KCNQ1: variants seen among roughly 807,000 people sequenced by gnomAD.
The protein encoded by KCNQ1 is potassium voltage-gated channel subfamily KQT member 1.
A neutral mutation model predicts 72.4 loss-of-function variants in KCNQ1; 49 were observed. That is an observed-to-expected ratio of 0.68 (90% CI 0.54 to 0.86). The LOEUF is 0.86. KCNQ1 is among the 40% of genes least tolerant of loss of function. KCNQ1 has a pLI of 0.00. For synonymous variants in KCNQ1, 450 were observed against 412.6 expected (o/e 1.09, Z -1.10); for missense variants, 790 against 945.1 (o/e 0.84, Z 2.15).
rs1476403227 is a variant in KCNQ1 at position 2,620,947 on chromosome 11, TG to T, written c.1393+32094del. 3 of 301,932 alleles carry T rather than the reference TG, an allele frequency of 9.9e-6. No homozygotes were observed. Among genetic ancestry groups the T allele is most frequent in the African/African-American group, 8.6e-5 (2 of 23,386 alleles). The allele number at this position is 301,932 out of a possible 1,614,324, so 18.7% of individuals were successfully genotyped here. ...TTTTTTTGTTGTTGTTGTTTTGTTT[TG>T]TTTTTTTTTGTCTGTTTTTTGCTTT... On this transcript the variant is annotated intron_variant, in intron 10 of 15. Coordinates refer to ENST00000155840, the MANE Select transcript of KCNQ1 (RefSeq NM_000218.3). The surrounding 1 kb of genome is among the most constrained non-coding windows in gnomAD (Gnocchi z 4.5).
chr11:2,536,766 G>T lies in KCNQ1; in HGVS notation c.477+8748G>T, dbSNP rs1193861443. On this transcript the variant is annotated intron_variant, in intron 2 of 15. Coordinates refer to ENST00000155840, the MANE Select transcript of KCNQ1 (RefSeq NM_000218.3). This position sits in a 1 kb window ranked among gnomAD's most constrained non-coding sequence, Gnocchi z 7.4. The stretch of plus-strand genomic sequence containing the variant: ...AGTCGACCTGGGCTGCGTGATGGGG[G>T]ACCCCAGGCTGGGCGGCTTAAACCG... Among the ~76,000 whole-genome samples the T allele has an allele frequency of 2.7e-5, 4 of 150,922 alleles. No homozygotes were observed. Among genetic ancestry groups the T allele is most frequent in the Non-Finnish European group, 5.9e-5 (4 of 68,006 alleles).
chr11:2,553,671 TTTTA>T (rs1311796431), intron 2 of KCNQ1, among the ~76,000 whole-genome samples: 10 of 151,772 alleles, frequency 6.6e-5, no homozygotes, highest in African/African-American at 2.2e-4. Context: ...TTTTATTTTA[TTTTA>T]TTTATTTATT....
At chr11:2,628,625 G>C (rs1849298891) in intron 10 of KCNQ1, 1 of 398,226 alleles carries the variant, frequency 2.5e-6, no homozygotes, top group Non-Finnish European at 4.4e-6. Flanking sequence ...TTGTTGTGCA[G>C]ACACTTTTTT....
rs545932476 is a variant in KCNQ1 at position 2,564,437 on chromosome 11, T to G, written c.478-6191T>G. On this transcript the variant is annotated intron_variant, in intron 2 of 15. Coordinates refer to ENST00000155840, the MANE Select transcript of KCNQ1 (RefSeq NM_000218.3). The surrounding 1 kb of genome is among the most constrained non-coding windows in gnomAD (Gnocchi z 4.5). ...GGTGAAACCTTGTCTCTACTAATAA[T>G]ACAAAAAGATTAGCCGGGTGTGGTG... Among the ~76,000 whole-genome samples the G allele has an allele frequency of 3.3e-4, 50 of 152,130 alleles. No individual in the cohort carries two copies. The highest frequency in any genetic ancestry group is 1.2e-3 in the African/African-American group (48 of 41,500).
intron 6 of KCNQ1, among the ~76,000 whole-genome samples, chr11:2,582,877 T>C (rs1848523139): frequency 6.6e-6 from 1 of 152,094 alleles, no homozygotes; most frequent in Non-Finnish European, 1.5e-5. Flanking sequence ...AGCCTTCTAT[T>C]GTCCCACCAC....
rs1177238655 is a variant in KCNQ1, at chr11:2,830,375, G to GAT, written c.1795-17389_1795-17388dup. ...GGCATCCCAGAGCTATGACCTGAAT[G>GAT]ATATCTTAGATGATCTCCAAGGCCC... is the stretch of plus-strand genomic sequence containing the variant. On this transcript the variant is annotated intron_variant, in intron 15 of 15. Coordinates refer to ENST00000155840, the MANE Select transcript of KCNQ1 (RefSeq NM_000218.3). The surrounding 1 kb of genome is among the most constrained non-coding windows in gnomAD (Gnocchi z 7.7). Among the ~76,000 whole-genome samples, 1 of 152,100 alleles carries GAT rather than the reference G, an allele frequency of 6.6e-6. No individual in the cohort carries two copies. The highest frequency in any genetic ancestry group is 1.5e-5 in the Non-Finnish European group (1 of 67,996).
intron 1 of KCNQ1, among the ~76,000 whole-genome samples, chr11:2,505,663 G>A (rs1847092210): frequency 6.6e-6 from 1 of 152,202 alleles, no homozygotes; most frequent in Non-Finnish European, 1.5e-5. Context: ...AGGCATAAAT[G>A]TTTATAATGG....
At chr11:2,456,796 G>A (rs59324776) in intron 1 of KCNQ1, among the ~76,000 whole-genome samples, 23,341 of 139,256 alleles carry the variant, frequency 0.17, 2,952 homozygotes, top group East Asian at 0.32. Context: ...AAAATTAGCC[G>A]GGCGTGGGGG....
At chr11:2,646,620 G>A (rs1422236033) in intron 10 of KCNQ1, 2 of 398,636 alleles carry the variant, frequency 5.0e-6, no homozygotes, top group Non-Finnish European at 8.8e-6. Flanking sequence ...TCACCTCCGA[G>A]GTTCAAGTGA....
intron 11 of KCNQ1, chr11:2,692,211 C>G (rs976488050): frequency 5.0e-6 from 2 of 398,736 alleles, no homozygotes; most frequent in Non-Finnish European, 8.8e-6. Context: ...CCGATACACC[C>G]GCTTCCTCAC....
chr11:2,583,352 A>T, intron 6 of KCNQ1, 83 bp from the exon 7 acceptor site: 1 of 932,008 alleles, frequency 1.1e-6, no homozygotes, highest in Non-Finnish European at 1.8e-6. Context: ...TCCGCTCATC[A>T]GAGTGGTGGG....
chr11:2,581,799 C>T (rs936125784), intron 6 of KCNQ1, among the ~76,000 whole-genome samples: 1 of 152,244 alleles, frequency 6.6e-6, no homozygotes, highest in Non-Finnish European at 1.5e-5. Context: ...AGTGTGCACC[C>T]ACATACACAG....
At position 2,491,864 on chromosome 11, in the gene KCNQ1, G is replaced by A. The variant is rs1846840576; in HGVS notation, c.387-36064G>A. On this transcript the variant is annotated intron_variant, in intron 1 of 15. Coordinates refer to ENST00000155840, the MANE Select transcript of KCNQ1 (RefSeq NM_000218.3). The surrounding 1 kb of genome is among the most constrained non-coding windows in gnomAD (Gnocchi z 4.1). ...CTTATAATTGAACTCCATTATATCT[G>A]GCAGCAGAGTTTTCAATGGAAACTT... Among the ~76,000 whole-genome samples the A allele has an allele frequency of 6.6e-6, 1 of 152,170 alleles. No homozygotes were observed. The highest frequency in any genetic ancestry group is 6.5e-5 in the Admixed American group (1 of 15,282).
In KCNQ1 at chr11:2,637,103, C is replaced by T. The variant is rs1348795442; in HGVS notation, c.1394-24858C>T. 5.9e-5 allele frequency: 9 copies of T among 152,206 alleles called. No individual in the cohort carries two copies. In the East Asian group the frequency reaches 1.5e-3, roughly 26 times the overall value. 9.4% of individuals were successfully genotyped at this position (152,206 alleles called of 1,614,324 possible). On this transcript the variant is annotated intron_variant, in intron 10 of 15. Coordinates refer to ENST00000155840, the MANE Select transcript of KCNQ1 (RefSeq NM_000218.3). ...TTTATTAGTCTTGCTAGAGGCCTATCAATTTTGTTGATCTTTTCAAAAAAA... is the reference window on the plus strand; with the variant it reads ...TTTATTAGTCTTGCTAGAGGCCTATTAATTTTGTTGATCTTTTCAAAAAAA...
chr11:2,592,530 AGC>A lies in KCNQ1; in HGVS notation c.1393+3677_1393+3678del, dbSNP rs1465253182. On this transcript the variant is annotated intron_variant, in intron 10 of 15. Coordinates refer to ENST00000155840, the MANE Select transcript of KCNQ1 (RefSeq NM_000218.3). The surrounding 1 kb of genome is among the most constrained non-coding windows in gnomAD (Gnocchi z 5.2). ...GGTGGGGAGGGAGGGGAATGTCAGC[AGC>A]CACCCAGCCCGAGAGCCAGAGCACA... Among the ~76,000 whole-genome samples the A allele has an allele frequency of 6.6e-6, 1 of 152,198 alleles. No homozygotes were observed. Among genetic ancestry groups the A allele is most frequent in the Non-Finnish European group, 1.5e-5 (1 of 68,016 alleles).
intron 2 of KCNQ1, among the ~76,000 whole-genome samples, chr11:2,534,925 T>C (rs923826374): frequency 9.9e-5 from 15 of 152,232 alleles, no homozygotes; most frequent in Non-Finnish European, 1.9e-4. Flanking sequence ...CCTGGGATCC[T>C]CACTGCAGGG....
chr11:2,542,780 T>G (rs543490460), intron 2 of KCNQ1, among the ~76,000 whole-genome samples: 105 of 152,370 alleles, frequency 6.9e-4, no homozygotes, highest in African/African-American at 2.3e-3. Context: ...ATTCATTCCT[T>G]TTTCATTGCT....
Position 2,723,763 on chromosome 11 carries a change from A to ATT in KCNQ1, c.1515-45081_1515-45080insTT, listed in dbSNP as rs1845710204. ...CTCTACTAGCTAGTGGGGCCTCACT[A>ATT]ACCGCTGGTGGCCGCAGGGTTCCCA... is the stretch of plus-strand genomic sequence containing the variant. On this transcript the variant is annotated intron_variant, in intron 11 of 15. Coordinates refer to ENST00000155840, the MANE Select transcript of KCNQ1 (RefSeq NM_000218.3). This position sits in a 1 kb window ranked among gnomAD's most constrained non-coding sequence, Gnocchi z 4.2. Among the ~76,000 whole-genome samples, 1 of 152,096 alleles carries ATT rather than the reference A, an allele frequency of 6.6e-6. No homozygotes were observed. The highest frequency in any genetic ancestry group is 6.5e-5 in the Admixed American group (1 of 15,270).
chr11:2,445,532 G>T, intron 1 of KCNQ1, 48 bp downstream of exon 1: 2 of 1,571,008 alleles, frequency 1.3e-6, no homozygotes, highest in Non-Finnish European at 1.7e-6. Context: ...CTTCCTGAGA[G>T]CTGGTGTGGG....
Sources: gnomAD v4.1 joint callset for allele counts (sites outside exome capture counted in the v4.1 genomes callset) on GRCh38, gnomAD v4.1.1 for gene constraint, Gnocchi (gnomAD v3.1) non-coding constraint, MANE v1.5 for transcripts, NCBI Gene and HGNC (gene_info 2026-07-23, HGNC 2026-07-21) for gene names.